CHUK: variants seen among roughly 807,000 people sequenced by gnomAD.
CHUK encodes inhibitor of nuclear factor kappa-B kinase subunit alpha.
Under a neutral mutation model 104.8 loss-of-function variants are expected in CHUK, and 35 were observed. The observed-to-expected ratio is 0.33, with a 90% CI of 0.26 to 0.44. The LOEUF (loss-of-function observed/expected upper bound fraction) is 0.44, where lower values mean the gene tolerates loss of function less well. Among genes scored for constraint, CHUK ranks in the 20% least tolerant of loss-of-function variants. The probability of loss-of-function intolerance (pLI) is 1.00; values close to 1 mark genes in which losing one functional copy is unlikely to be tolerated. For missense variants in CHUK, 663 were observed against 902.7 expected (o/e 0.73, Z 3.40); for synonymous variants, 276 against 291.9 (o/e 0.95, Z 0.56).
intron 1 of CHUK, among the ~76,000 whole-genome samples, chr10:100,227,250 T>C (rs574846595): frequency 6.6e-6 from 1 of 152,364 alleles, no homozygotes; most frequent in African/African-American, 2.4e-5. Flanking sequence ...GGGAAGTTTA[T>C]AGATGTACAA....
chr10:100,200,525 A>G, intron 15 of CHUK, 146 bp downstream of exon 15: 1 of 643,660 alleles, frequency 1.6e-6, no homozygotes, highest in Non-Finnish European at 2.8e-6. Flanking sequence ...ACTGAGAAAA[A>G]GCTTCCATTT....
chr10:100,192,538 G>A, intron 19 of CHUK: 1 of 885,684 alleles, frequency 1.1e-6, no homozygotes, highest in Non-Finnish European at 1.4e-6. Context: ...ATGACCTCCT[G>A]AGCAGTGATG....
rs575803452 is a variant in CHUK at position 100,225,750 on chromosome 10, C to T, written c.200+173G>A. Among the ~76,000 whole-genome samples the T allele has an allele frequency of 2.6e-5, 4 of 152,190 alleles. No homozygotes were observed. In the South Asian group the frequency reaches 8.3e-4, roughly 32 times the overall value. ...AGTGTCCTAGCTGATTTTAACTAAA[C>T]CTTCTTAATCTTAATGTGATATTAT... On this transcript the variant is annotated intron_variant, in intron 2 of 20. Coordinates refer to ENST00000370397, the MANE Select transcript of CHUK (RefSeq NM_001278.5).
chr10:100,229,162 C>T (rs1846177064), intron 1 of CHUK, among the ~76,000 whole-genome samples: 1 of 152,138 alleles, frequency 6.6e-6, no homozygotes, highest in African/African-American at 2.4e-5. Flanking sequence ...CGCACTGTCA[C>T]ACTCACTAAA....
chr10:100,209,821 T>C, intron 9 of CHUK, 32 bp from the exon 10 acceptor site: 1 of 983,040 alleles, frequency 1.0e-6, no homozygotes, highest in Middle Eastern at 2.7e-4. Context: ...GTAAAGTTAT[T>C]GATTATTTGT....
chr10:100,210,213 A>G (rs369553408), intron 9 of CHUK, among the ~76,000 whole-genome samples: 20 of 146,580 alleles, frequency 1.4e-4, no homozygotes, highest in African/African-American at 5.2e-4. Flanking sequence ...TCAGCCTCCC[A>G]AGTAGCTGGG....
chr10:100,190,252 C>T (rs1440715287), intron 20 of CHUK: 1 of 156,794 alleles, frequency 6.4e-6, no homozygotes, highest in African/African-American at 2.4e-5. Context: ...AACTCCTGGG[C>T]TCAAGCAATC....
chr10:100,204,695 ATAT>A, intron 12 of CHUK, 38 bp from the exon 13 acceptor site: 1 of 1,512,564 alleles, frequency 6.6e-7, no homozygotes, highest in Non-Finnish European at 9.1e-7. Flanking sequence ...AAGAAAAAAG[ATAT>A]TATCAGCATT....
At chr10:100,196,490 C>T (rs955784820) in intron 16 of CHUK, among the ~76,000 whole-genome samples, 11 of 151,236 alleles carry the variant, frequency 7.3e-5, no homozygotes, top group Non-Finnish European at 1.2e-4. Flanking sequence ...GGGCCTCAAG[C>T]GATCCTGCTA....
rs752542336 is a variant in CHUK, at chr10:100,202,127, T to C, written c.1530A>G (p.Ala510=). The change falls in exon 14 of 21, where the codon GCA becomes GCG. Residue 510 remains alanine (A), a synonymous_variant. Transcript: ENST00000370397. The part of the protein sequence containing the change: ...YGISSEKMLK[A]WKEMEEKAIH... The stretch of plus-strand genomic sequence containing the variant: ...TGGCCTTTTCTTCCATTTCTTTCCA[T>C]GCTTTTAGCATTTTTTCTGAAGCTA... The C allele has an allele frequency of 1.9e-6, 3 of 1,612,636 alleles. No homozygotes were observed. Among genetic ancestry groups the C allele is most frequent in the African/African-American group, 1.3e-5 (1 of 75,040 alleles).
At chr10:100,225,901 G>C (rs1387813208) in intron 2 of CHUK, 22 bp downstream of exon 2, 6 of 1,404,828 alleles carry the variant, frequency 4.3e-6, no homozygotes, top group Non-Finnish European at 6.1e-6. Flanking sequence ...CCAGGGAAAT[G>C]TAAGTCAAGG....
Position 100,229,415 on chromosome 10 carries a change from C to T in CHUK, c.105+13G>A, listed in dbSNP as rs202214431. ...TCCAACCCACCGCCGCTCCCTCTCA[C>T]GCCCCGCCTCACCCGATGCTGGTAC... On this transcript the variant is annotated intron_variant, in intron 1 of 20. Transcript: ENST00000370397. The T allele has an allele frequency of 7.7e-4, 1,229 of 1,592,404 alleles. 8 individuals carry two copies. The highest frequency in any genetic ancestry group is 1.5e-3 in the Middle Eastern group (9 of 6,036).
chr10:100,204,627 T>A lies in CHUK; in HGVS notation c.1386A>T (p.Leu462Phe). 6.2e-7 allele frequency: 1 copy of A among 1,612,552 alleles called. No homozygotes were observed. The change falls in exon 13 of 21, where the codon TTA becomes TTT. Residue 462 changes from leucine (L) to phenylalanine (F), a missense_variant. Leu to Phe is a conservative substitution (Grantham distance 22). Coordinates refer to ENST00000370397, the MANE Select transcript of CHUK (RefSeq NM_001278.5). ...AGATCAAAGTGTTCTTCATTTTTGT[T>A]AAGTTAGCATTATATCTAAGAAGAC... ...MLSLLRYNAN[L>F]TKMKNTLISA...
intron 1 of CHUK, among the ~76,000 whole-genome samples, chr10:100,227,979 C>T (rs1018927951): frequency 1.3e-5 from 2 of 152,170 alleles, no homozygotes; most frequent in Admixed American, 6.5e-5. Context: ...AACCATTTTC[C>T]TAGAACAACA....
intron 2 of CHUK, among the ~76,000 whole-genome samples, chr10:100,224,666 A>G (rs1476849190): frequency 6.6e-6 from 1 of 151,820 alleles, no homozygotes; most frequent in Non-Finnish European, 1.5e-5. Context: ...CAAACTCCTG[A>G]CCTCAGGTAA....
chr10:100,221,869 C>A (rs942304998), intron 4 of CHUK, among the ~76,000 whole-genome samples: 5 of 152,200 alleles, frequency 3.3e-5, no homozygotes, highest in Non-Finnish European at 7.3e-5. Context: ...AACTCCTGAC[C>A]TTGTGATCCG....
chr10:100,225,440 T>C (rs1397035631), intron 2 of CHUK, among the ~76,000 whole-genome samples: 2 of 152,246 alleles, frequency 1.3e-5, no homozygotes, highest in African/African-American at 4.8e-5. Context: ...TCATTCCTTT[T>C]TAAGGCTGCA....
Position 100,193,304 on chromosome 10 carries a change from TGAG to T in CHUK, c.2099_2101del (p.Pro700del), listed in dbSNP as rs1284517519. ...TGTTACAAAGTAAACCCACCCATCT[TGAG>T]GAGTTACCACACATGACAGAGAATG... is the stretch of plus-strand genomic sequence containing the variant. On this transcript the variant is annotated inframe_deletion, in exon 19 of 21. Transcript: ENST00000370397. The T allele has an allele frequency of 6.2e-7, 1 of 1,614,092 alleles. No homozygotes were observed. The highest frequency in any genetic ancestry group is 1.7e-5 in the Admixed American group (1 of 60,016).
Position 100,193,975 on chromosome 10 carries a change from ATTAC to A in CHUK, c.1974+5_1974+8del. 1 of 1,610,742 alleles carries A rather than the reference ATTAC, an allele frequency of 6.2e-7. No homozygotes were observed. The highest frequency in any genetic ancestry group is 8.5e-7 in the Non-Finnish European group (1 of 1,177,222). On this transcript the variant is annotated splice_donor_5th_base_variant and intron_variant, in intron 18 of 20. Transcript: ENST00000370397. ...TGTCACATTAAATAATTCATTAATA[ATTAC>A]TTACACAGGCAATTTTAAGGAGATG...
Sources: gnomAD v4.1 joint callset for allele counts (sites outside exome capture counted in the v4.1 genomes callset) on GRCh38, gnomAD v4.1.1 for gene constraint, MANE v1.5 for transcripts, NCBI Gene and HGNC (gene_info 2026-07-23, HGNC 2026-07-21) for gene names.